Variants in DZIP3 observed in about 807,000 individuals in gnomAD.
DZIP3 encodes DAZ interacting zinc finger protein 3.
DZIP3 carries 118 observed loss-of-function variants against 162.0 expected under a neutral mutation model. That is an observed-to-expected ratio of 0.73 (90% confidence interval 0.63 to 0.85). The LOEUF is 0.85. Ranked by LOEUF, DZIP3 falls within the 40% of genes least tolerant of loss-of-function variation. The probability of loss-of-function intolerance (pLI) is 0.00; values close to 1 mark genes in which losing one functional copy is unlikely to be tolerated. For synonymous variants in DZIP3, 438 were observed against 458.6 expected (o/e 0.96, Z 0.57); for missense variants, 1,331 against 1,407.0 (o/e 0.95, Z 0.86).
At chr3:108,590,880 A>G (rs895633380) in intron 1 of DZIP3, among the ~76,000 whole-genome samples, 10 of 152,244 alleles carry the variant, frequency 6.6e-5, no homozygotes, top group African/African-American at 2.4e-4. Flanking sequence ...AGAATCTACA[A>G]TGTGCTAAGC....
Position 108,654,216 on chromosome 3 carries a change from TA to T in DZIP3, c.2109del (p.Asp704MetfsTer27). On this transcript the variant is annotated frameshift_variant, in exon 19 of 33. Coordinates refer to ENST00000361582, the MANE Select transcript of DZIP3 (RefSeq NM_014648.4). LOFTEE classifies it high-confidence loss of function. ...AATCCACACTCAGTCAGTAGACTTA[TA>T]AAAGATGATGCAAGTGATGTTCAAG... is the stretch of plus-strand genomic sequence containing the variant. ...QANPHSVSRL[I>X]KDDASDVQED... The T allele has an allele frequency of 6.2e-7, 1 of 1,613,788 alleles. No individual in the cohort carries two copies. The highest frequency in any genetic ancestry group is 1.3e-5 in the African/African-American group (1 of 75,036).
chr3:108,654,169 G>A lies in DZIP3; in HGVS notation c.2058G>A (p.Glu686=). Residue 686 remains glutamate (E), a synonymous_variant, in exon 19 of 33, where the codon GAG becomes GAA. Coordinates refer to ENST00000361582, the MANE Select transcript of DZIP3 (RefSeq NM_014648.4). ...DQVPYVVEKE[E]QLRKEQANPH... is the part of the protein sequence containing the mutation. Reference sequence around the variant, plus strand: ...GCCCATATGTGGTAGAAAAGGAAGAGCAGTTGAGGAAAGAACAAGCAAATC... The same window carrying A: ...GCCCATATGTGGTAGAAAAGGAAGAACAGTTGAGGAAAGAACAAGCAAATC... 6.2e-7 allele frequency: 1 copy of A among 1,613,482 alleles called. No homozygotes were observed. Among genetic ancestry groups the A allele is most frequent in the Non-Finnish European group, 8.5e-7 (1 of 1,179,628 alleles).
At chr3:108,609,306 G>A (rs1290607050) in intron 3 of DZIP3, among the ~76,000 whole-genome samples, 2 of 152,108 alleles carry the variant, frequency 1.3e-5, no homozygotes, top group African/African-American at 4.8e-5. Context: ...CCTGCATGAG[G>A]TTATCGCTGT....
chr3:108,592,787 C>T (rs1044069959), intron 1 of DZIP3, among the ~76,000 whole-genome samples: 3 of 150,954 alleles, frequency 2.0e-5, no homozygotes, highest in Non-Finnish European at 4.4e-5. Flanking sequence ...TGTCTTGTTC[C>T]ATTCTTATTA....
rs980979726 is a variant in DZIP3, at chr3:108,655,610, G to A, written c.2199+1300G>A. Among the ~76,000 whole-genome samples, 16 of 152,198 alleles carry A rather than the reference G, an allele frequency of 1.1e-4. 1 individual carries two copies. The highest frequency in any genetic ancestry group is 6.5e-4 in the Admixed American group (10 of 15,302). On this transcript the variant is annotated intron_variant, in intron 19 of 32. Coordinates refer to ENST00000361582, the MANE Select transcript of DZIP3 (RefSeq NM_014648.4). Reference sequence around the variant, plus strand: ...AATGATTCCTGCATTTCCAACTAAGGTACTGGGTTCATCTCACTGGGGATT... The same window carrying A: ...AATGATTCCTGCATTTCCAACTAAGATACTGGGTTCATCTCACTGGGGATT...
intron 19 of DZIP3, among the ~76,000 whole-genome samples, chr3:108,657,905 A>G (rs1008358899): frequency 3.3e-5 from 5 of 152,216 alleles, no homozygotes; most frequent in African/African-American, 9.7e-5. Context: ...GTCTTTACAT[A>G]ATGGTAAAGG....
intron 12 of DZIP3, among the ~76,000 whole-genome samples, chr3:108,640,737 C>T (rs1942365198): frequency 6.6e-6 from 1 of 152,180 alleles, no homozygotes; most frequent in Admixed American, 6.5e-5. Context: ...AGCCACCATG[C>T]TCGGCCTTAA....
chr3:108,680,098 T>A (rs1025402453), intron 26 of DZIP3, among the ~76,000 whole-genome samples: 5 of 152,106 alleles, frequency 3.3e-5, no homozygotes, highest in Admixed American at 1.3e-4. Flanking sequence ...TCAACGTCAG[T>A]TTATGATAAA....
At chr3:108,642,377 A>C (rs1942437999) in intron 12 of DZIP3, 61 bp from the exon 13 acceptor site, 1 of 1,420,944 alleles carries the variant, frequency 7.0e-7, no homozygotes, top group African/African-American at 1.4e-5. Flanking sequence ...CATACTAGAA[A>C]TCTTGACTGA....
intron 16 of DZIP3, 148 bp downstream of exon 16, chr3:108,648,260 T>A: frequency 1.5e-6 from 1 of 670,766 alleles, no homozygotes; most frequent in African/African-American, 1.9e-5. Context: ...GTCCTTTCCT[T>A]CCTTGCCTCA....
chr3:108,630,883 G>A (rs941961922), intron 8 of DZIP3, among the ~76,000 whole-genome samples: 4 of 151,590 alleles, frequency 2.6e-5, no homozygotes, highest in Non-Finnish European at 5.9e-5. Context: ...CAACTTTCTA[G>A]ACATTTTTCT....
At chr3:108,676,276 G>A (rs1461169841) in intron 25 of DZIP3, among the ~76,000 whole-genome samples, 1 of 152,012 alleles carries the variant, frequency 6.6e-6, no homozygotes, top group Non-Finnish European at 1.5e-5. Flanking sequence ...TCATGCCACT[G>A]TACTACAGCC....
intron 1 of DZIP3, among the ~76,000 whole-genome samples, chr3:108,604,440 T>C (rs1940205794): frequency 6.6e-6 from 1 of 152,238 alleles, no homozygotes; most frequent in Admixed American, 6.5e-5. Flanking sequence ...CACTGGAGTC[T>C]AGAGGCTTGA....
chr3:108,675,304 T>C (rs1259985570), intron 24 of DZIP3, among the ~76,000 whole-genome samples: 3 of 152,014 alleles, frequency 2.0e-5, no homozygotes, highest in Non-Finnish European at 4.4e-5. Context: ...ATAGAAGATA[T>C]TTCTAATTTA....
At chr3:108,637,033 T>C (rs1416765727) in intron 11 of DZIP3, among the ~76,000 whole-genome samples, 1 of 152,022 alleles carries the variant, frequency 6.6e-6, no homozygotes, top group Non-Finnish European at 1.5e-5. Context: ...AAAATAATTT[T>C]AGACTTTCTG....
At chr3:108,685,983 G>GACAT in intron 27 of DZIP3, among the ~76,000 whole-genome samples, 1 of 152,050 alleles carries the variant, frequency 6.6e-6, no homozygotes, top group African/African-American at 2.4e-5. Flanking sequence ...CTTATGCCCA[G>GACAT]ACATACAGTT....
intron 1 of DZIP3, among the ~76,000 whole-genome samples, chr3:108,597,584 T>A (rs922577540): frequency 2.0e-5 from 3 of 152,162 alleles, no homozygotes; most frequent in Non-Finnish European, 4.4e-5. Flanking sequence ...ATCTCACTTT[T>A]AAATTTCTGG....
intron 1 of DZIP3, among the ~76,000 whole-genome samples, chr3:108,603,657 G>A (rs1451816590): frequency 6.6e-6 from 1 of 152,080 alleles, no homozygotes; most frequent in African/African-American, 2.4e-5. Flanking sequence ...AAATTTAGAA[G>A]GAAATCTCTC....
intron 21 of DZIP3, among the ~76,000 whole-genome samples, chr3:108,666,988 G>C (rs528619164): frequency 6.6e-6 from 1 of 151,920 alleles, no homozygotes; most frequent in African/African-American, 2.4e-5. Flanking sequence ...AATCAAAATA[G>C]ACTCAAAGCA....
Sources: gnomAD v4.1 joint callset for allele counts (sites outside exome capture counted in the v4.1 genomes callset) on GRCh38, gnomAD v4.1.1 for gene constraint, MANE v1.5 for transcripts, NCBI Gene and HGNC (gene_info 2026-07-23, HGNC 2026-07-21) for gene names.